Variants in CDH13 observed in about 807,000 individuals in gnomAD.
CDH13 encodes the protein cadherin 13.
In CDH13, 24 loss-of-function variants were observed where a neutral mutation model predicts 63.8. The observed-to-expected ratio is 0.38, with a 90% CI of 0.27 to 0.53. CDH13 has a LOEUF of 0.53. Ranked by LOEUF, CDH13 falls within the 20% of genes least tolerant of loss-of-function variation. The probability of loss-of-function intolerance (pLI) is 0.85; values close to 1 mark genes in which losing one functional copy is unlikely to be tolerated. For missense variants in CDH13, 1,049 were observed against 903.1 expected (o/e 1.16, Z -2.07); for synonymous variants, 503 against 355.3 (o/e 1.42, Z -4.67).
intron 2 of CDH13, among the ~76,000 whole-genome samples, chr16:82,992,824 C>A (rs774330617): frequency 6.6e-6 from 1 of 152,246 alleles, no homozygotes; most frequent in Admixed American, 6.5e-5. Flanking sequence ...TTCAGAGGAA[C>A]AGAAAATCAA....
At position 83,558,375 on chromosome 16, in the gene CDH13, C is replaced by CA. The variant is rs532086241; in HGVS notation, c.961-44071dup. Reference sequence around the variant, plus strand: ...TTCCATCAAAAACAAAGCTTGAAGTCAAAAAAAATGGGGAATTTAAGAGCA... The same window carrying CA: ...TTCCATCAAAAACAAAGCTTGAAGTCAAAAAAAAATGGGGAATTTAAGAGCA... On this transcript the variant is annotated intron_variant, in intron 7 of 13. Transcript: ENST00000567109. Among the ~76,000 whole-genome samples the CA allele has an allele frequency of 1.6e-4, 25 of 151,630 alleles. No homozygotes were observed. In the East Asian group the frequency reaches 2.3e-3, roughly 14 times the overall value.
At chr16:82,735,815 T>G (rs2033642824) in intron 1 of CDH13, among the ~76,000 whole-genome samples, 1 of 152,214 alleles carries the variant, frequency 6.6e-6, no homozygotes, top group Admixed American at 6.5e-5. Context: ...GGGTAGACTC[T>G]TTAGCAAGTT....
At chr16:83,175,305 A>G (rs2038080774) in intron 4 of CDH13, among the ~76,000 whole-genome samples, 1 of 152,108 alleles carries the variant, frequency 6.6e-6, no homozygotes, top group South Asian at 2.1e-4. Flanking sequence ...AGATTATTTT[A>G]TATGAAGTTA....
chr16:83,309,667 G>T lies in CDH13; in HGVS notation c.637-35195G>T, dbSNP rs377043227. Among the ~76,000 whole-genome samples the T allele has an allele frequency of 2.6e-5, 4 of 152,190 alleles. No homozygotes were observed. The South Asian group carries it at 6.2e-4, about 24-fold the overall frequency. ...TGGGATTACAGGCGTGAGCCGCCAC[G>T]CCCAGCCCCCTCCTTCTGAAACTTG... is the stretch of plus-strand genomic sequence containing the variant. On this transcript the variant is annotated intron_variant, in intron 5 of 13. Transcript: ENST00000567109.
At chr16:82,758,272 G>A (rs1204212132) in intron 1 of CDH13, among the ~76,000 whole-genome samples, 1 of 152,184 alleles carries the variant, frequency 6.6e-6, no homozygotes, top group African/African-American at 2.4e-5. Context: ...AATTTGAGAA[G>A]TAAGGGTGAT....
chr16:83,353,712 T>C (rs909645506), intron 6 of CDH13, among the ~76,000 whole-genome samples: 1 of 152,244 alleles, frequency 6.6e-6, no homozygotes, highest in Admixed American at 6.5e-5. Context: ...CATGAAGTCT[T>C]ATTCCTGGAC....
At chr16:83,067,338 A>G (rs973758870) in intron 3 of CDH13, among the ~76,000 whole-genome samples, 2 of 152,196 alleles carry the variant, frequency 1.3e-5, no homozygotes, top group Non-Finnish European at 2.9e-5. Flanking sequence ...GTCTACTACC[A>G]TGCAGAACTA....
chr16:82,757,051 T>C (rs142147874), intron 1 of CDH13, among the ~76,000 whole-genome samples: 10 of 152,238 alleles, frequency 6.6e-5, no homozygotes, highest in African/African-American at 2.4e-4. Flanking sequence ...TCAGGATCCA[T>C]GGGGACATTG....
At chr16:83,751,142 G>A (rs1408284379) in intron 11 of CDH13, among the ~76,000 whole-genome samples, 1 of 152,180 alleles carries the variant, frequency 6.6e-6, no homozygotes, top group African/African-American at 2.4e-5. Context: ...ACTGGGTCTT[G>A]TGCTGAATGC....
chr16:83,708,885 G>A (rs565860808), intron 10 of CDH13, among the ~76,000 whole-genome samples: 1 of 152,152 alleles, frequency 6.6e-6, no homozygotes, highest in African/African-American at 2.4e-5. Flanking sequence ...TTAGCTGAGT[G>A]TGGTGGCATA....
chr16:82,771,688 G>C (rs900926051), intron 1 of CDH13, among the ~76,000 whole-genome samples: 2 of 152,218 alleles, frequency 1.3e-5, no homozygotes, highest in African/African-American at 4.8e-5. Flanking sequence ...CCTTAAGTTT[G>C]CTTCCCCAGA....
chr16:82,815,249 A>T (rs1022241971), intron 1 of CDH13, among the ~76,000 whole-genome samples: 1 of 152,058 alleles, frequency 6.6e-6, no homozygotes, highest in African/African-American at 2.4e-5. Flanking sequence ...GAGACCCCGA[A>T]TGAGGGCCGA....
intron 5 of CDH13, among the ~76,000 whole-genome samples, chr16:83,323,071 A>G (rs763713513): frequency 3.1e-4 from 47 of 151,942 alleles, no homozygotes; most frequent in Non-Finnish European, 5.1e-4. Context: ...GAGCGAATGG[A>G]GGTGGTGGTT....
intron 5 of CDH13, among the ~76,000 whole-genome samples, chr16:83,248,415 G>A (rs528892893): frequency 1.5e-4 from 23 of 152,154 alleles, no homozygotes; most frequent in Non-Finnish European, 2.6e-4. Context: ...ATCAGCAGCC[G>A]CAAATCAGCA....
chr16:83,080,623 C>T (rs1810922466), intron 3 of CDH13, among the ~76,000 whole-genome samples: 1 of 152,112 alleles, frequency 6.6e-6, no homozygotes, highest in Non-Finnish European at 1.5e-5. Flanking sequence ...CCAGTGTCCA[C>T]AGCTCCTGTA....
In CDH13 at chr16:82,835,629, T is replaced by C. The variant is rs548537519; in HGVS notation, c.46-22733T>C. 7.9e-5 allele frequency among the ~76,000 whole-genome samples: 12 copies of C among 152,268 alleles called. No homozygotes were observed. The South Asian group carries it at 2.5e-3, about 32-fold the overall frequency. Reference sequence around the variant, plus strand: ...GCAGTAGGTGCATACAGTCCTATGCTCCCAGCTTATGAGGAAATGCTCTGT... The same window carrying C: ...GCAGTAGGTGCATACAGTCCTATGCCCCCAGCTTATGAGGAAATGCTCTGT... On this transcript the variant is annotated intron_variant, in intron 1 of 13. Coordinates refer to ENST00000567109, the MANE Select transcript of CDH13 (RefSeq NM_001257.5).
intron 2 of CDH13, among the ~76,000 whole-genome samples, chr16:83,021,772 G>A (rs1284846851): frequency 6.6e-6 from 1 of 152,168 alleles, no homozygotes; most frequent in Non-Finnish European, 1.5e-5. Flanking sequence ...AACCAGTCAT[G>A]GCTAGAATAC....
chr16:82,885,329 AAAT>A (rs1271306815), intron 2 of CDH13, among the ~76,000 whole-genome samples: 3 of 152,338 alleles, frequency 2.0e-5, no homozygotes, highest in African/African-American at 7.2e-5. Context: ...ATCTGCTGAA[AAAT>A]AATCAGTTTT....
chr16:83,241,746 G>A lies in CDH13; in HGVS notation c.636+24249G>A, dbSNP rs147872020. Among the ~76,000 whole-genome samples the A allele has an allele frequency of 4.1e-3, 630 of 152,220 alleles. 5 individuals are homozygous for A. The highest frequency in any genetic ancestry group is 0.012 in the African/African-American group (491 of 41,540). ...TTTTCTGGATTTTAACCCCTTATCC[G>A]ATATATGTCTTGCAAAGATTTTCTC... On this transcript the variant is annotated intron_variant, in intron 5 of 13. Coordinates refer to ENST00000567109, the MANE Select transcript of CDH13 (RefSeq NM_001257.5).
Sources: allele counts gnomAD v4.1 joint callset (sites outside exome capture counted in the v4.1 genomes callset), GRCh38; gene constraint gnomAD v4.1.1; transcripts MANE v1.5; gene names NCBI Gene and HGNC (gene_info 2026-07-23, HGNC 2026-07-21).